The following CEP120 variants were observed in gnomAD, a reference collection of about 807,000 sequenced individuals.
CEP120 encodes the protein centrosomal protein of 120 kDa.
Under a neutral mutation model 126.5 loss-of-function variants are expected in CEP120, and 113 were observed. The observed-to-expected ratio is 0.89, with a 90% CI of 0.77 to 1.04. The LOEUF is 1.04. CEP120 is among the 50% of genes least tolerant of loss of function. CEP120 has a pLI of 0.00. For missense variants in CEP120, 1,230 were observed against 1,155.7 expected, an observed-to-expected ratio of 1.06 and a Z score of -0.93; for synonymous variants, 400 against 394.3, an observed-to-expected ratio of 1.01 and a Z score of -0.17.
intron 18 of CEP120, among the ~76,000 whole-genome samples, chr5:123,351,483 T>C (rs923023075): frequency 1.3e-5 from 2 of 152,190 alleles, no homozygotes; most frequent in Non-Finnish European, 1.5e-5. Flanking sequence ...ACATGTCTTT[T>C]GGAACACATT....
At position 123,345,737 on chromosome 5, in the gene CEP120, T is replaced by C. The variant is rs1312913211; in HGVS notation, c.*782A>G. 2 of 152,196 alleles carry C rather than the reference T, an allele frequency of 1.3e-5. No individual in the cohort carries two copies. The highest frequency in any genetic ancestry group is 2.1e-4 in the South Asian group (1 of 4,830). 9.4% of individuals were successfully genotyped at this position (152,196 alleles called of 1,614,324 possible). ...TAATGTCTTTATGTGTCTGTTTCCA[T>C]GTTCTATTACAGAGGGTTTAAGCTG... On this transcript the variant is annotated 3_prime_UTR_variant, in exon 20 of 20. Transcript: ENST00000306467.
At chr5:123,383,521 TG>T in intron 11 of CEP120, among the ~76,000 whole-genome samples, 1 of 152,108 alleles carries the variant, frequency 6.6e-6, no homozygotes. Flanking sequence ...TTTAAAAATG[TG>T]ATTTTTTTTT....
chr5:123,381,048 G>A (rs1393387266), intron 14 of CEP120, among the ~76,000 whole-genome samples: 1 of 151,988 alleles, frequency 6.6e-6, no homozygotes, highest in African/African-American at 2.4e-5. Context: ...AAGCTGATTT[G>A]GTTATTTTAA....
intron 18 of CEP120, among the ~76,000 whole-genome samples, chr5:123,362,101 C>T (rs937496013): frequency 6.6e-6 from 1 of 151,610 alleles, no homozygotes; most frequent in Non-Finnish European, 1.5e-5. Flanking sequence ...CTTCATATTT[C>T]CTTGGCCCCA....
intron 5 of CEP120, among the ~76,000 whole-genome samples, chr5:123,396,249 T>C (rs1036739613): frequency 5.3e-5 from 8 of 152,192 alleles, no homozygotes; most frequent in Non-Finnish European, 1.0e-4. Context: ...ATGTATAGTA[T>C]TGCTATAAAC....
At chr5:123,356,262 A>G (rs996971454) in intron 18 of CEP120, among the ~76,000 whole-genome samples, 2 of 151,298 alleles carry the variant, frequency 1.3e-5, no homozygotes, top group African/African-American at 2.4e-5. Context: ...TTGGCAATGC[A>G]GGCTCTTTTT....
At chr5:123,360,257 A>G in intron 18 of CEP120, among the ~76,000 whole-genome samples, 1 of 151,978 alleles carries the variant, frequency 6.6e-6, no homozygotes, top group East Asian at 1.9e-4. Flanking sequence ...AAATGTGCCT[A>G]TTTGATGAAG....
chr5:123,392,474 T>A (rs1772468559), intron 6 of CEP120, among the ~76,000 whole-genome samples: 1 of 152,184 alleles, frequency 6.6e-6, no homozygotes, highest in African/African-American at 2.4e-5. Context: ...AAAGGAAGTG[T>A]CATAAAAGAC....
intron 3 of CEP120, among the ~76,000 whole-genome samples, chr5:123,414,538 A>G (rs565240567): frequency 6.6e-6 from 1 of 152,364 alleles, no homozygotes; most frequent in East Asian, 1.9e-4. Context: ...GGCGTTTTAA[A>G]TAAAAGAGAA....
rs1427174253 is a variant in CEP120, at chr5:123,345,865, A to C, written c.*654T>G. 6.6e-6 allele frequency: 1 copy of C among 152,194 alleles called. No individual in the cohort carries two copies. The highest frequency in any genetic ancestry group is 2.4e-5 in the African/African-American group (1 of 41,462). 9.4% of individuals were successfully genotyped at this position (152,194 alleles called of 1,614,324 possible). A position where few individuals can be genotyped will look rare whatever the true frequency, so the allele number is the denominator to read the frequency against. On this transcript the variant is annotated 3_prime_UTR_variant, in exon 20 of 20. Coordinates refer to ENST00000306467, the MANE Select transcript of CEP120 (RefSeq NM_001375405.1). ...AGAAACCAACAGAGAAAACTATATT[A>C]AGCTAATACTTCATGTTCTTAAAAG...
chr5:123,382,926 C>G (rs1771754401), intron 12 of CEP120, 37 bp from the exon 13 acceptor site: 3 of 1,606,362 alleles, frequency 1.9e-6, no homozygotes, highest in Non-Finnish European at 2.5e-6. Context: ...TAAACACTCA[C>G]ACACATATGC....
At chr5:123,352,331 C>G (rs1486249701) in intron 18 of CEP120, among the ~76,000 whole-genome samples, 3 of 151,984 alleles carry the variant, frequency 2.0e-5, no homozygotes, top group African/African-American at 4.8e-5. Flanking sequence ...TAACCGTGCT[C>G]TTTCCTATTT....
chr5:123,412,112 C>G (rs1774096447), intron 4 of CEP120, among the ~76,000 whole-genome samples: 1 of 152,180 alleles, frequency 6.6e-6, no homozygotes, highest in Admixed American at 6.5e-5. Context: ...TTTGGGCTTT[C>G]CTGTACTCAT....
At position 123,391,147 on chromosome 5, in the gene CEP120, A is replaced by G. The variant is rs754140711; in HGVS notation, c.1001T>C (p.Val334Ala). Residue 334 changes from valine (V) to alanine (A), a missense_variant, in exon 7 of 20, where the codon GTG becomes GCG. Coordinates refer to ENST00000306467, the MANE Select transcript of CEP120 (RefSeq NM_001375405.1). ...IPVELAPTVG[V>A]SVALQREGID... ...GCCTTCTCTCTGCAGAGCCACAGAC[A>G]CTCCCACAGTTGGGGCTAGCTCCAC... is the stretch of plus-strand genomic sequence containing the variant. 8.1e-6 allele frequency: 13 copies of G among 1,613,744 alleles called. No homozygotes were observed. The highest frequency in any genetic ancestry group is 1.7e-4 in the Middle Eastern group (1 of 6,060).
At chr5:123,369,131 C>G (rs1775447035) in intron 17 of CEP120, among the ~76,000 whole-genome samples, 1 of 151,980 alleles carries the variant, frequency 6.6e-6, no homozygotes, top group Non-Finnish European at 1.5e-5. Context: ...ATTTTCTACA[C>G]ACTAGATGAA....
At chr5:123,394,903 A>G (rs1458746645) in intron 5 of CEP120, among the ~76,000 whole-genome samples, 1 of 152,142 alleles carries the variant, frequency 6.6e-6, no homozygotes, top group Non-Finnish European at 1.5e-5. Context: ...TTACTTAATC[A>G]CTGTGTGTAT....
chr5:123,402,283 T>C (rs1773306960), intron 4 of CEP120: 4 of 1,478,500 alleles, frequency 2.7e-6, no homozygotes, highest in Admixed American at 2.0e-5. Context: ...GAGTGGCTGC[T>C]GAAGGCCCGG....
At position 123,378,368 on chromosome 5, in the gene CEP120, G is replaced by A. The variant is rs552760651; in HGVS notation, c.2164C>T (p.Arg722Ter). Residue 722 changes from arginine (R) to a stop codon, truncating the protein, a stop_gained, in exon 15 of 20, where the codon CGA becomes TGA. Transcript: ENST00000306467. LOFTEE classifies it high-confidence loss of function. Reference sequence around the variant, plus strand: ...TCCACACTAGCAAGCTGCTGCTCTCGCTTCTCCAAGTCAATTAGAGTTTTT... The same window carrying A: ...TCCACACTAGCAAGCTGCTGCTCTCACTTCTCCAAGTCAATTAGAGTTTTT... ...LQKTLIDLEKREQQLASVESE... is the reference protein window; with the variant it reads ...LQKTLIDLEK The A allele has an allele frequency of 9.3e-6, 15 of 1,606,388 alleles. No homozygotes were observed. The highest frequency in any genetic ancestry group is 6.8e-5 in the Admixed American group (4 of 58,758).
chr5:123,419,894 G>A (rs1580749779), intron 1 of CEP120, among the ~76,000 whole-genome samples: 1 of 152,188 alleles, frequency 6.6e-6, no homozygotes, highest in African/African-American at 2.4e-5. Flanking sequence ...ATCTTGCACT[G>A]AGTCAACTAG....
Sources: allele counts gnomAD v4.1 joint callset (sites outside exome capture counted in the v4.1 genomes callset), GRCh38; gene constraint gnomAD v4.1.1; transcripts MANE v1.5; gene names NCBI Gene and HGNC (gene_info 2026-07-23, HGNC 2026-07-21).